FARS2: variants seen among roughly 807,000 people sequenced by gnomAD.
The protein encoded by FARS2 is phenylalanine--tRNA ligase, mitochondrial.
A neutral mutation model predicts 46.4 loss-of-function variants in FARS2; 40 were observed. The observed-to-expected ratio is 0.86, with a 90% CI of 0.67 to 1.12. The LOEUF (loss-of-function observed/expected upper bound fraction) is 1.12. FARS2 is among the 50% of genes most tolerant of loss of function. The pLI is 0.00. For synonymous variants in FARS2, 234 were observed against 214.9 expected (o/e 1.09, Z -0.78); for missense variants, 513 against 567.9 (o/e 0.90, Z 0.98).
intron 4 of FARS2, 127 bp downstream of exon 4, chr6:5,431,299 T>G: frequency 1.1e-6 from 1 of 922,208 alleles, no homozygotes; most frequent in African/African-American, 1.6e-5. Context: ...TGGTCTCTCT[T>G]CAGATTCCCC....
chr6:5,615,071 T>C (rs1233593675), intron 6 of FARS2, among the ~76,000 whole-genome samples: 1 of 152,236 alleles, frequency 6.6e-6, no homozygotes, highest in African/African-American at 2.4e-5. Context: ...ATTATCTTTA[T>C]CAGGCTCCAC....
chr6:5,268,844 G>A (rs535074036), intron 1 of FARS2, among the ~76,000 whole-genome samples: 3 of 152,226 alleles, frequency 2.0e-5, no homozygotes, highest in Non-Finnish European at 2.9e-5. Flanking sequence ...AGCATGGAAT[G>A]TTCTTCCATT....
intron 4 of FARS2, among the ~76,000 whole-genome samples, chr6:5,537,518 C>T (rs112589916): frequency 6.7e-6 from 1 of 150,130 alleles, no homozygotes; most frequent in Non-Finnish European, 1.5e-5. Flanking sequence ...GGCCTCCTCT[C>T]GAGTTGGAGA....
chr6:5,261,804 A>C lies in FARS2; in HGVS notation c.-22+144A>C, dbSNP rs147550833. The C allele has an allele frequency of 3.9e-5, 6 of 152,374 alleles. No homozygotes were observed. The East Asian group carries it at 1.2e-3, about 29-fold the overall frequency. The allele number at this position is 152,374 out of a possible 1,614,324, so 9.4% of individuals were successfully genotyped here. A position where few individuals can be genotyped will look rare whatever the true frequency, so the allele number is the denominator to read the frequency against. ...GTTCCCGTGGTTTTGTAACCTAATA[A>C]ATGCATAAAATGCAGCTTGGGTTGT... On this transcript the variant is annotated intron_variant, in intron 1 of 6. Transcript: ENST00000274680.
At chr6:5,529,849 A>G (rs555703704) in intron 4 of FARS2, among the ~76,000 whole-genome samples, 88 of 152,246 alleles carry the variant, frequency 5.8e-4, no homozygotes, top group Non-Finnish European at 1.1e-3. Context: ...TGCTCTCTTG[A>G]TGCAATTAGA....
intron 1 of FARS2, among the ~76,000 whole-genome samples, chr6:5,303,612 C>A (rs924698024): frequency 6.6e-6 from 1 of 151,964 alleles, no homozygotes; most frequent in Non-Finnish European, 1.5e-5. Context: ...GCTCCCCAAG[C>A]CCCCTGCTTC....
chr6:5,579,608 A>G (rs1346444135), intron 5 of FARS2, among the ~76,000 whole-genome samples: 2 of 152,210 alleles, frequency 1.3e-5, no homozygotes, highest in African/African-American at 4.8e-5. Flanking sequence ...CTCTGGGTTT[A>G]GCAGAAGGAA....
At chr6:5,259,533 T>C (rs1346247453), upstream of FARS2, among the ~76,000 whole-genome samples, 2 of 152,076 alleles carry the variant, frequency 1.3e-5, no homozygotes, top group Non-Finnish European at 2.9e-5. Context: ...AATTTGAGAG[T>C]CATTGCTTAA....
At chr6:5,439,228 G>A (rs774811942) in intron 4 of FARS2, among the ~76,000 whole-genome samples, 19 of 152,186 alleles carry the variant, frequency 1.2e-4, no homozygotes, top group Non-Finnish European at 2.6e-4. Context: ...TGTGCTGTGC[G>A]TGTGTCACTC....
At chr6:5,261,935 T>C (rs189736888) in intron 1 of FARS2, among the ~76,000 whole-genome samples, 27 of 152,358 alleles carry the variant, frequency 1.8e-4, no homozygotes, top group Admixed American at 1.8e-3. Context: ...CTTTTTTGAA[T>C]CATCTTATTA....
At chr6:5,536,428 G>C (rs779525604) in intron 4 of FARS2, among the ~76,000 whole-genome samples, 3 of 152,034 alleles carry the variant, frequency 2.0e-5, no homozygotes, top group Admixed American at 6.5e-5. Flanking sequence ...TGTCTGCTGG[G>C]AATGTCCTTC....
intron 6 of FARS2, among the ~76,000 whole-genome samples, chr6:5,689,630 A>C (rs909130108): frequency 1.3e-4 from 20 of 152,016 alleles, no homozygotes; most frequent in Non-Finnish European, 2.4e-4. Flanking sequence ...TATGTGGTCA[A>C]TTTTGGAATA....
At chr6:5,397,286 G>C (rs143787789) in intron 2 of FARS2, among the ~76,000 whole-genome samples, 90 of 152,216 alleles carry the variant, frequency 5.9e-4, no homozygotes, top group African/African-American at 2.1e-3. Flanking sequence ...GATGATCAGG[G>C]GCCAGTGCGG....
intron 6 of FARS2, among the ~76,000 whole-genome samples, chr6:5,641,032 G>T (rs1776790166): frequency 6.6e-6 from 1 of 152,204 alleles, no homozygotes; most frequent in Non-Finnish European, 1.5e-5. Flanking sequence ...AAGCCTCCCA[G>T]TGCAGGCTGG....
At chr6:5,466,081 G>A (rs1765498821) in intron 4 of FARS2, among the ~76,000 whole-genome samples, 2 of 152,152 alleles carry the variant, frequency 1.3e-5, no homozygotes, top group South Asian at 2.1e-4. Context: ...CAACACCTGT[G>A]TAGTTCTTTC....
chr6:5,468,019 A>G lies in FARS2; in HGVS notation c.904+36847A>G, dbSNP rs147314002. On this transcript the variant is annotated intron_variant, in intron 4 of 6. Coordinates refer to ENST00000274680, the MANE Select transcript of FARS2 (RefSeq NM_006567.5). ...TGACTGAGAGGCTGAGGCCAGTAGT[A>G]AAAACTTATAGCCACCAAATATCAG... Among the ~76,000 whole-genome samples the G allele has an allele frequency of 7.9e-5, 12 of 152,370 alleles. No homozygotes were observed. In the East Asian group the frequency reaches 2.3e-3, roughly 29 times the overall value.
chr6:5,696,001 T>G (rs1649421227), intron 6 of FARS2, among the ~76,000 whole-genome samples: 1 of 152,174 alleles, frequency 6.6e-6, no homozygotes, highest in South Asian at 2.1e-4. Flanking sequence ...AAATACAAAT[T>G]ATTTGCTGCA....
rs1765793446 is a variant in FARS2 at position 5,471,290 on chromosome 6, T to A, written c.904+40118T>A. Among the ~76,000 whole-genome samples, 1 of 152,204 alleles carries A rather than the reference T, an allele frequency of 6.6e-6. No homozygotes were observed. Among genetic ancestry groups the A allele is most frequent in the Admixed American group, 6.5e-5 (1 of 15,280 alleles). On this transcript the variant is annotated intron_variant, in intron 4 of 6. Transcript: ENST00000274680. The surrounding 1 kb of genome is among the most constrained non-coding windows in gnomAD (Gnocchi z 4.1). ...TCCGGTGCTAAGCGCCTAAAATAAGTAGATCTTATTTTAATCTTGGGGAAA... is the reference window on the plus strand; with the variant it reads ...TCCGGTGCTAAGCGCCTAAAATAAGAAGATCTTATTTTAATCTTGGGGAAA...
intron 5 of FARS2, among the ~76,000 whole-genome samples, chr6:5,572,058 G>T (rs978304589): frequency 6.6e-6 from 1 of 152,150 alleles, no homozygotes; most frequent in Non-Finnish European, 1.5e-5. Context: ...GTTTGGACAT[G>T]TTGTTTTCAT....
Sources: allele counts gnomAD v4.1 joint callset (sites outside exome capture counted in the v4.1 genomes callset), GRCh38; gene constraint gnomAD v4.1.1; non-coding constraint Gnocchi (gnomAD v3.1); transcripts MANE v1.5; gene names NCBI Gene and HGNC (gene_info 2026-07-23, HGNC 2026-07-21).